Variants in SORCS1 observed in about 807,000 individuals in gnomAD.
The protein encoded by SORCS1 is sortilin related VPS10 domain containing receptor 1, also known as VPS10 domain-containing receptor SorCS1.
In SORCS1, 60 loss-of-function variants were observed where a neutral mutation model predicts 146.1. The observed-to-expected ratio is 0.41, with a 90% CI of 0.33 to 0.51. The LOEUF (loss-of-function observed/expected upper bound fraction) is 0.51, where lower values mean the gene tolerates loss of function less well. Ranked by LOEUF, SORCS1 falls within the 20% of genes least tolerant of loss-of-function variation. The pLI is 0.21. For synonymous variants in SORCS1, 637 were observed against 584.0 expected, an observed-to-expected ratio of 1.09 and a Z score of -1.31; for missense variants, 1,352 against 1,487.6, an observed-to-expected ratio of 0.91 and a Z score of 1.50.
chr10:107,093,488 C>A (rs1237756176), intron 1 of SORCS1, among the ~76,000 whole-genome samples: 1 of 152,132 alleles, frequency 6.6e-6, no homozygotes, highest in African/African-American at 2.4e-5. Flanking sequence ...TCCTGGCCAA[C>A]ACAGTGAAAC....
At chr10:106,630,307 A>T (rs1848367632) in intron 18 of SORCS1, among the ~76,000 whole-genome samples, 1 of 152,140 alleles carries the variant, frequency 6.6e-6, no homozygotes, top group South Asian at 2.1e-4. Context: ...TATCAAAATG[A>T]TCTCATGTTA....
intron 5 of SORCS1, among the ~76,000 whole-genome samples, chr10:106,739,074 TA>T (rs1857169620): frequency 6.6e-6 from 1 of 152,106 alleles, no homozygotes; most frequent in Non-Finnish European, 1.5e-5. Context: ...GGGTAAATAT[TA>T]AAAGTAATAA....
At chr10:106,722,655 T>G (rs1028510598) in intron 6 of SORCS1, among the ~76,000 whole-genome samples, 10 of 152,162 alleles carry the variant, frequency 6.6e-5, no homozygotes, top group African/African-American at 2.4e-4. Flanking sequence ...GACCAGTAAT[T>G]GTCCCCTGTC....
At chr10:106,640,157 GAGTATCTTGAAGAAATTTTT>G (rs1848978966) in intron 18 of SORCS1, among the ~76,000 whole-genome samples, 1 of 152,192 alleles carries the variant, frequency 6.6e-6, no homozygotes, top group African/African-American at 2.4e-5. Context: ...TCAGACAAGT[GAGTATCTTGAAGAAATTTTT>G]ATCAACAGCC....
intron 1 of SORCS1, among the ~76,000 whole-genome samples, chr10:107,063,964 T>A (rs1332636673): frequency 1.3e-5 from 2 of 152,190 alleles, no homozygotes; most frequent in Non-Finnish European, 2.9e-5. Flanking sequence ...AGACTTAAAA[T>A]ATTCAGTAGA....
At chr10:107,164,809 G>A (rs1969992189), upstream of SORCS1, among the ~76,000 whole-genome samples, 1 of 148,022 alleles carries the variant, frequency 6.8e-6, no homozygotes, top group African/African-American at 2.4e-5. This position sits in a 1 kb window ranked among gnomAD's most constrained non-coding sequence, Gnocchi z 6.8. Flanking sequence ...CGACGCGGGA[G>A]GGAGGGCAGG....
chr10:106,763,894 CAAAGCTTTTA>C (rs1859339860), intron 4 of SORCS1, among the ~76,000 whole-genome samples: 1 of 152,194 alleles, frequency 6.6e-6, no homozygotes, highest in Non-Finnish European at 1.5e-5. Flanking sequence ...AATGAGATTG[CAAAGCTTTTA>C]GATGTTGGAA....
chr10:107,176,554 G>A, the SORCS1 span, among the ~76,000 whole-genome samples: 1 of 151,950 alleles, frequency 6.6e-6, no homozygotes, highest in Non-Finnish European at 1.5e-5. Flanking sequence ...TGCCTAGGCT[G>A]GTCTTCAACT....
intron 16 of SORCS1, among the ~76,000 whole-genome samples, chr10:106,669,352 C>T (rs150302095): frequency 2.8e-4 from 42 of 152,214 alleles, no homozygotes; most frequent in African/African-American, 9.6e-4. Flanking sequence ...TGGGACATCT[C>T]ATCTCATCTC....
intron 10 of SORCS1, among the ~76,000 whole-genome samples, chr10:106,686,943 T>G (rs1195829605): frequency 2.6e-5 from 4 of 152,196 alleles, no homozygotes; most frequent in Admixed American, 2.6e-4. Flanking sequence ...CAACTATATA[T>G]GTGTAGTTCA....
intron 3 of SORCS1, among the ~76,000 whole-genome samples, chr10:106,806,098 G>A (rs919652132): frequency 4.7e-5 from 7 of 148,890 alleles, no homozygotes; most frequent in East Asian, 2.0e-4. Flanking sequence ...GGCCGGGCAC[G>A]GTGGCTCACA....
At chr10:107,100,646 G>T (rs1964860350) in intron 1 of SORCS1, among the ~76,000 whole-genome samples, 1 of 152,142 alleles carries the variant, frequency 6.6e-6, no homozygotes, top group South Asian at 2.1e-4. Flanking sequence ...AAATTGAGCT[G>T]AACAATTCTC....
chr10:106,966,083 C>T (rs1955478912), intron 1 of SORCS1, among the ~76,000 whole-genome samples: 1 of 152,308 alleles, frequency 6.6e-6, no homozygotes, highest in Non-Finnish European at 1.5e-5. Flanking sequence ...GGGTTCCTGA[C>T]AGCGAATGCA....
chr10:106,976,573 C>T (rs770699358), intron 1 of SORCS1, among the ~76,000 whole-genome samples: 5 of 152,016 alleles, frequency 3.3e-5, no homozygotes, highest in Non-Finnish European at 5.9e-5. Context: ...CCTCATGATC[C>T]GCCCACCTTG....
chr10:106,758,962 T>C (rs1171380604), intron 5 of SORCS1, among the ~76,000 whole-genome samples: 13 of 152,322 alleles, frequency 8.5e-5, no homozygotes, highest in East Asian at 3.9e-4. Context: ...TCTTACCATA[T>C]AGAAGTCCCT....
At chr10:106,980,201 G>T (rs1421819545) in intron 1 of SORCS1, among the ~76,000 whole-genome samples, 1 of 152,218 alleles carries the variant, frequency 6.6e-6, no homozygotes, top group African/African-American at 2.4e-5. Flanking sequence ...ATGATGTTGG[G>T]CCAATGTGTC....
intron 15 of SORCS1, 51 bp downstream of exon 15, chr10:106,672,817 C>T (rs375036011): frequency 6.7e-7 from 1 of 1,501,278 alleles, no homozygotes; most frequent in Non-Finnish European, 9.3e-7. Context: ...TTTCCCCCAA[C>T]ACCACTCATG....
intron 1 of SORCS1, among the ~76,000 whole-genome samples, chr10:107,150,821 G>T (rs1443103903): frequency 6.6e-6 from 1 of 152,172 alleles, no homozygotes. Context: ...CTGCTGCCAT[G>T]TGAAGAAGGA....
intron 1 of SORCS1, among the ~76,000 whole-genome samples, chr10:107,109,958 G>C (rs1055759656): frequency 6.6e-6 from 1 of 152,154 alleles, no homozygotes; most frequent in Non-Finnish European, 1.5e-5. Context: ...AACTTCCACA[G>C]ATCTTTAGGA....
Sources: allele counts gnomAD v4.1 joint callset (sites outside exome capture counted in the v4.1 genomes callset), GRCh38; gene constraint gnomAD v4.1.1; non-coding constraint Gnocchi (gnomAD v3.1); transcripts MANE v1.5; gene names NCBI Gene and HGNC (gene_info 2026-07-23, HGNC 2026-07-21).